EPS8L2: variants seen among roughly 807,000 people sequenced by gnomAD.
EPS8L2 encodes the protein epidermal growth factor receptor kinase substrate 8-like protein 2.
In EPS8L2, 81 loss-of-function variants were observed where a neutral mutation model predicts 99.4. The ratio of observed to expected loss-of-function variants is 0.82; its 90% CI spans 0.68 to 0.98. The LOEUF (loss-of-function observed/expected upper bound fraction) is 0.98. EPS8L2 is among the 50% of genes least tolerant of loss of function. The pLI is 0.00. For missense variants in EPS8L2, 1,155 were observed against 968.8 expected (o/e 1.19, Z -2.55); for synonymous variants, 509 against 407.3 (o/e 1.25, Z -3.01).
rs1862351219 is a variant in EPS8L2, at chr11:727,053, G to C, written c.*72G>C. 3 of 1,072,334 alleles carry C rather than the reference G, an allele frequency of 2.8e-6. No homozygotes were observed. Among genetic ancestry groups the C allele is most frequent in the Non-Finnish European group, 4.2e-6 (3 of 716,156 alleles). 66.4% of individuals were successfully genotyped at this position (1,072,334 alleles called of 1,614,324 possible). Reference sequence around the variant, plus strand: ...AATGCATGGAGTATTATTTTTATATGTGTATGTATTTTGTATCAAGGACAC... The same window carrying C: ...AATGCATGGAGTATTATTTTTATATCTGTATGTATTTTGTATCAAGGACAC... On this transcript the variant is annotated 3_prime_UTR_variant, in exon 21 of 21. Transcript: ENST00000318562.
chr11:710,254 GC>G (rs1861849253), intron 3 of EPS8L2, 167 bp from the exon 4 acceptor site: 1 of 634,766 alleles, frequency 1.6e-6, no homozygotes. Context: ...GAGGGAGGGG[GC>G]TTCCTGCAGG....
chr11:715,365 C>T (rs1005988535), intron 4 of EPS8L2, among the ~76,000 whole-genome samples: 7 of 152,148 alleles, frequency 4.6e-5, no homozygotes, highest in African/African-American at 1.7e-4. Flanking sequence ...TTATTAATCC[C>T]CTCTCCTGCC....
In EPS8L2 at chr11:726,622, C is replaced by G; in HGVS notation, c.1938C>G (p.Ile646Met). ...ACGCCCAACTGCCCGCCCCCAGGAT[C>G]GTGGAGAACCTGGGCATCCTGACCG... ...WLEAKAFSPR[I>M]VENLGILTGP... The change falls in exon 20 of 21, where the codon ATC (isoleucine) becomes ATG (methionine). Residue 646 changes from isoleucine (I) to methionine (M), a missense_variant. By Grantham distance (10) the Ile-to-Met change is conservative (BLOSUM62 1). Coordinates refer to ENST00000318562, the MANE Select transcript of EPS8L2 (RefSeq NM_022772.4). 1 of 1,551,158 alleles carries G rather than the reference C, an allele frequency of 6.4e-7. No individual in the cohort carries two copies. Among genetic ancestry groups the G allele is most frequent in the Non-Finnish European group, 8.7e-7 (1 of 1,147,592 alleles).
At chr11:707,586 T>G (rs1483017845) in intron 1 of EPS8L2, among the ~76,000 whole-genome samples, 1 of 152,118 alleles carries the variant, frequency 6.6e-6, no homozygotes, top group Non-Finnish European at 1.5e-5. Context: ...CCACCACCAG[T>G]GGGCCAAAGA....
chr11:722,602 G>A lies in EPS8L2; in HGVS notation c.1208+53G>A, dbSNP rs1305566972. 29 of 1,610,236 alleles carry A rather than the reference G, an allele frequency of 1.8e-5. No individual in the cohort carries two copies. In the East Asian group the frequency reaches 6.3e-4, roughly 35 times the overall value. ...CTTCATGGGGGGCCAGCGCTGCATG[G>A]GGGCCAGCAAGGGGGTCCTGGTGGG... On this transcript the variant is annotated intron_variant, in intron 13 of 20. Coordinates refer to ENST00000318562, the MANE Select transcript of EPS8L2 (RefSeq NM_022772.4).
intron 4 of EPS8L2, among the ~76,000 whole-genome samples, chr11:715,857 C>G (rs1253039347): frequency 6.6e-6 from 1 of 151,670 alleles, no homozygotes. Context: ...CATGACCTCA[C>G]GATCCGCCTG....
intron 4 of EPS8L2, 106 bp from the exon 5 acceptor site, chr11:719,956 C>A: frequency 8.6e-7 from 1 of 1,158,200 alleles, no homozygotes; most frequent in Non-Finnish European, 1.2e-6. Flanking sequence ...AGCCCCCTAC[C>A]CAGGGTTGGC....
chr11:726,688 A>T lies in EPS8L2; in HGVS notation c.2004A>T (p.Lys668Asn). 6.3e-7 allele frequency: 1 copy of T among 1,586,088 alleles called. No homozygotes were observed. Reference sequence around the variant, plus strand: ...CCCTCAACAAGGAGGAGCTGAAGAAAGTGTGCGGCGAGGAGGGCGTCCGCG... The same window carrying T: ...CCCTCAACAAGGAGGAGCTGAAGAATGTGTGCGGCGAGGAGGGCGTCCGCG... ...LFSLNKEELK[K>N]VCGEEGVRVY... The change falls in exon 20 of 21, where the codon AAA becomes AAT. Residue 668 changes from lysine to asparagine, a missense_variant. Coordinates refer to ENST00000318562, the MANE Select transcript of EPS8L2 (RefSeq NM_022772.4).
At chr11:726,573 A>G (rs1389758988) in intron 19 of EPS8L2, 46 bp from the exon 20 acceptor site, 3 of 1,517,644 alleles carry the variant, frequency 2.0e-6, no homozygotes, top group Non-Finnish European at 2.7e-6. Context: ...GGCGCCAGGC[A>G]GCCTCGCTCA....
Position 722,451 on chromosome 11 carries a change from A to G in EPS8L2, c.1110A>G (p.Pro370=). The change falls in exon 13 of 21, where the codon CCA becomes CCG. Residue 370 remains proline, a synonymous_variant. Transcript: ENST00000318562. ...GPDIARSVSC[P]LLSRDAVDFL... is the part of the protein sequence containing the mutation. The stretch of plus-strand genomic sequence containing the variant: ...ACATCGCACGCTCCGTCTCCTGCCC[A>G]CTGCTCTCCCGAGATGCCGTGGACT... The G allele has an allele frequency of 6.2e-7, 1 of 1,613,438 alleles. No individual in the cohort carries two copies. Among genetic ancestry groups the G allele is most frequent in the South Asian group, 1.1e-5 (1 of 91,082 alleles).
At chr11:725,897 G>C (rs1423934657) in intron 17 of EPS8L2, 50 bp downstream of exon 17, 24 of 1,365,904 alleles carry the variant, frequency 1.8e-5, no homozygotes, top group Non-Finnish European at 2.3e-5. Context: ...TCCTGGAGCA[G>C]CCCCGCCTGC....
In EPS8L2 at chr11:727,652, CT is replaced by C. The variant is rs1266260389; in HGVS notation, c.*673del. 1.3e-5 allele frequency: 2 copies of C among 153,138 alleles called. No homozygotes were observed. Among genetic ancestry groups the C allele is most frequent in the Non-Finnish European group, 2.9e-5 (2 of 68,232 alleles). The allele number at this position is 153,138 out of a possible 1,614,324, so 9.5% of individuals were successfully genotyped here. On this transcript the variant is annotated 3_prime_UTR_variant, in exon 21 of 21. Coordinates refer to ENST00000318562, the MANE Select transcript of EPS8L2 (RefSeq NM_022772.4). ...GTGCTGGTGTGTCTTGGTGCCTGGA[CT>C]TGAGTCTCACCCTACAGATGAGAGG... is the stretch of plus-strand genomic sequence containing the variant.
intron 4 of EPS8L2, among the ~76,000 whole-genome samples, chr11:713,005 GC>G (rs1418467800): frequency 6.8e-6 from 1 of 146,560 alleles, no homozygotes; most frequent in Non-Finnish European, 1.5e-5. Context: ...GCCTGGCCTG[GC>G]CCCCAGCCAG....
rs547787378 is a variant in EPS8L2 at position 722,174 on chromosome 11, G to T, written c.1059+9G>T. 12 of 1,611,396 alleles carry T rather than the reference G, an allele frequency of 7.4e-6. No individual in the cohort carries two copies. The East Asian group carries it at 2.5e-4, about 33-fold the overall frequency. On this transcript the variant is annotated intron_variant, in intron 12 of 20. Coordinates refer to ENST00000318562, the MANE Select transcript of EPS8L2 (RefSeq NM_022772.4). ...TCGGGCCTCTGGACCTGGTGCCTGG[G>T]GCCGGGCGGCAGGGGCGCGCAGGGT...
At chr11:715,241 C>CA (rs111725827) in intron 4 of EPS8L2, among the ~76,000 whole-genome samples, 19,698 of 132,334 alleles carry the variant, frequency 0.15, 2,167 homozygotes, top group African/African-American at 0.33. Flanking sequence ...GACTCTGTCT[C>CA]AAAAAAAAAA....
At position 724,028 on chromosome 11, in the gene EPS8L2, A is replaced by T. The variant is rs1862256490; in HGVS notation, c.1454+675A>T. The stretch of plus-strand genomic sequence containing the variant: ...CCCTGGCCTAGGACCACACTTAAAA[A>T]CATTTCCACCCTTTGACTTCAGCTC... On this transcript the variant is annotated intron_variant, in intron 15 of 20. Transcript: ENST00000318562. This position sits in a 1 kb window ranked among gnomAD's most constrained non-coding sequence, Gnocchi z 5.5. 6.6e-6 allele frequency among the ~76,000 whole-genome samples: 1 copy of T among 152,010 alleles called. No individual in the cohort carries two copies. The highest frequency in any genetic ancestry group is 2.1e-4 in the South Asian group (1 of 4,810).
intron 12 of EPS8L2, 49 bp from the exon 13 acceptor site, chr11:722,352 G>A: frequency 6.3e-7 from 1 of 1,598,208 alleles, no homozygotes; most frequent in Non-Finnish European, 8.5e-7. Flanking sequence ...GGGGGTGCTG[G>A]GCCAGGGTCT....
rs9734804 is a variant in EPS8L2 at position 722,202 on chromosome 11, G to C, written c.1059+37G>C. On this transcript the variant is annotated intron_variant, in intron 12 of 20. Coordinates refer to ENST00000318562, the MANE Select transcript of EPS8L2 (RefSeq NM_022772.4). ...CGGGCGGCAGGGGCGCGCAGGGTGG[G>C]GGCCCAGAGGCCTCTGCAGCATCTC... 366,302 of 1,600,430 alleles carry C rather than the reference G, an allele frequency of 0.23. 44,572 individuals carry two copies. Among genetic ancestry groups the C allele is most frequent in the African/African-American group, 0.43 (32,170 of 74,756 alleles).
Position 721,933 on chromosome 11 carries a change from C to T in EPS8L2, c.926C>T (p.Pro309Leu). 1 of 1,597,898 alleles carries T rather than the reference C, an allele frequency of 6.3e-7. No homozygotes were observed. Among genetic ancestry groups the T allele is most frequent in the Non-Finnish European group, 8.5e-7 (1 of 1,172,738 alleles). The change falls in exon 11 of 21, where the codon CCC becomes CTC. Residue 309 changes from proline (P) to leucine (L), a missense_variant. Transcript: ENST00000318562. ...EGVLTLRARP[P>L]SEGEFIDCFQ... ...GTCCTCACACTGCGGGCACGGCCCC[C>T]CTCTGAGGGCGAGTTCATCGACTGC...
Sources: allele counts gnomAD v4.1 joint callset (sites outside exome capture counted in the v4.1 genomes callset), GRCh38; gene constraint gnomAD v4.1.1; non-coding constraint Gnocchi (gnomAD v3.1); transcripts MANE v1.5; gene names NCBI Gene and HGNC (gene_info 2026-07-23, HGNC 2026-07-21).